The following TUSC3 variants were observed in gnomAD, a reference collection of about 807,000 sequenced individuals.
TUSC3 encodes dolichyl-diphosphooligosaccharide--protein glycosyltransferase subunit TUSC3.
TUSC3 carries 45 observed loss-of-function variants against 44.8 expected under a neutral mutation model. The observed-to-expected ratio is 1.00, with a 90% CI of 0.79 to 1.29. The LOEUF (loss-of-function observed/expected upper bound fraction) is 1.29. Among genes scored for constraint, TUSC3 ranks in the 50% most tolerant of loss-of-function variants. The pLI, the probability that TUSC3 is intolerant of heterozygous loss-of-function variation, is 0.00. For synonymous variants in TUSC3, 212 were observed against 152.9 expected (o/e 1.39, Z -2.85); for missense variants, 519 against 437.9 (o/e 1.19, Z -1.65).
chr8:15,836,195 G>C, the TUSC3 span, among the ~76,000 whole-genome samples: 19 of 151,802 alleles, frequency 1.3e-4, 1 homozygote, highest in Admixed American at 7.9e-4. Context: ...AAGTAACACA[G>C]CTGGGCATGG....
At chr8:15,656,647 A>C (rs566141519) in intron 3 of TUSC3, among the ~76,000 whole-genome samples, 12 of 147,606 alleles carry the variant, frequency 8.1e-5, no homozygotes, top group Admixed American at 8.1e-4. Context: ...TCCCAGGCCC[A>C]AGCCCACGCA....
At chr8:15,435,922 CT>C (rs897622176) in intron 1 of TUSC3, among the ~76,000 whole-genome samples, 8 of 152,116 alleles carry the variant, frequency 5.3e-5, no homozygotes, top group Non-Finnish European at 2.9e-5. Context: ...CACATTGCTT[CT>C]GTTGGTTAGG....
At chr8:15,427,775 T>C (rs559254779) in intron 1 of TUSC3, among the ~76,000 whole-genome samples, 1 of 152,236 alleles carries the variant, frequency 6.6e-6, no homozygotes, top group South Asian at 2.1e-4. Context: ...CACTTGTGTA[T>C]TGTTACTTTT....
At position 15,574,551 on chromosome 8, in the gene TUSC3, A is replaced by G. The variant is rs137923216; in HGVS notation, c.138+33983A>G. Among the ~76,000 whole-genome samples, 81 of 152,144 alleles carry G rather than the reference A, an allele frequency of 5.3e-4. 1 individual carries two copies. In the East Asian group the frequency reaches 0.015, roughly 28 times the overall value. On this transcript the variant is annotated intron_variant, in intron 1 of 10. Transcript: ENST00000503731. ...AGGTTAGGGTGGGTCTGGACAATAG[A>G]TATTATTTAGTAAAGCATTCAGCTG...
chr8:15,806,877 TG>T, the TUSC3 span: 4 of 1,165,530 alleles, frequency 3.4e-6, no homozygotes, highest in Non-Finnish European at 2.6e-6. Context: ...ATAATTATGT[TG>T]GGGAGAAAGT....
chr8:15,729,205 C>T (rs1055548018), intron 6 of TUSC3, among the ~76,000 whole-genome samples: 1 of 152,088 alleles, frequency 6.6e-6, no homozygotes, highest in Non-Finnish European at 1.5e-5. Context: ...ATATGTTAGT[C>T]AGTGATGTAA....
the TUSC3 span, among the ~76,000 whole-genome samples, chr8:15,795,854 C>A: frequency 6.6e-6 from 1 of 152,180 alleles, no homozygotes; most frequent in Non-Finnish European, 1.5e-5. Flanking sequence ...GTCAGCCAGT[C>A]CAATCTGTCC....
intron 1 of TUSC3, among the ~76,000 whole-genome samples, chr8:15,602,453 C>T (rs1467550267): frequency 6.6e-6 from 1 of 151,468 alleles, no homozygotes; most frequent in Non-Finnish European, 1.5e-5. Flanking sequence ...TTACATTTTA[C>T]ATCAACTTGT....
chr8:15,818,088 C>G, the TUSC3 span, among the ~76,000 whole-genome samples: 1 of 152,066 alleles, frequency 6.6e-6, no homozygotes, highest in Non-Finnish European at 1.5e-5. Context: ...TGGAGAAGAG[C>G]AGAGATAAGA....
chr8:15,597,914 A>G (rs1267823706), intron 1 of TUSC3, among the ~76,000 whole-genome samples: 1 of 152,100 alleles, frequency 6.6e-6, no homozygotes, highest in East Asian at 1.9e-4. Flanking sequence ...AGATAATAGT[A>G]TATAGTAAAT....
At chr8:15,822,590 G>T in the TUSC3 span, among the ~76,000 whole-genome samples, 5 of 152,096 alleles carry the variant, frequency 3.3e-5, no homozygotes, top group Non-Finnish European at 7.4e-5. Flanking sequence ...GCCCTAAGGT[G>T]TGAATGAAGA....
chr8:15,809,224 TG>T, the TUSC3 span, among the ~76,000 whole-genome samples: 92 of 152,222 alleles, frequency 6.0e-4, no homozygotes, highest in East Asian at 0.012. Flanking sequence ...CCAGTGAGGG[TG>T]TGAGGATGTT....
chr8:15,598,612 C>G (rs1251196857), intron 1 of TUSC3, among the ~76,000 whole-genome samples: 1 of 151,844 alleles, frequency 6.6e-6, no homozygotes, highest in Non-Finnish European at 1.5e-5. Flanking sequence ...TCTCCAGTCT[C>G]CACCCTCTGG....
At position 15,565,529 on chromosome 8, in the gene TUSC3, A is replaced by G. The variant is rs191250450; in HGVS notation, c.138+24961A>G. On this transcript the variant is annotated intron_variant, in intron 1 of 10. Coordinates refer to ENST00000503731, the MANE Select transcript of TUSC3 (RefSeq NM_006765.4). Reference sequence around the variant, plus strand: ...AAGATAGTTGGTGGAAGCTTTCAAGACATTCATACACTCCAGGTGTAGAAA... The same window carrying G: ...AAGATAGTTGGTGGAAGCTTTCAAGGCATTCATACACTCCAGGTGTAGAAA... Among the ~76,000 whole-genome samples, 613 of 152,300 alleles carry G rather than the reference A, an allele frequency of 4.0e-3. 3 individuals are homozygous for G. Among genetic ancestry groups the G allele is most frequent in the Admixed American group, 7.0e-3 (107 of 15,304 alleles).
chr8:15,644,338 A>T (rs1267981987), intron 2 of TUSC3, among the ~76,000 whole-genome samples: 1 of 152,176 alleles, frequency 6.6e-6, no homozygotes, highest in Non-Finnish European at 1.5e-5. Context: ...CGTTCACTAC[A>T]TTCATGAAGT....
chr8:15,506,322 A>C (rs1279213490), intron 2 of TUSC3, among the ~76,000 whole-genome samples: 1 of 152,172 alleles, frequency 6.6e-6, no homozygotes, highest in Non-Finnish European at 1.5e-5. Context: ...GATCATAGAA[A>C]CCAGAATCCC....
the TUSC3 span, among the ~76,000 whole-genome samples, chr8:15,796,863 C>T: frequency 4.6e-5 from 7 of 152,162 alleles, no homozygotes; most frequent in South Asian, 2.1e-4. Flanking sequence ...CAAACAGACC[C>T]GCCCGCTGCC....
In TUSC3 at chr8:15,512,949, T is replaced by C. The variant is rs1029048359; in HGVS notation, n.189+29466T>C. ...ATATAATCATATATATATATATATA[T>C]ATATATATATGATTCTTTTTCTCTG... On this transcript the variant is annotated intron_variant and non_coding_transcript_variant, in intron 2 of 5. Coordinates refer to the TUSC3 transcript ENST00000503191. 4.6e-4 allele frequency among the ~76,000 whole-genome samples: 65 copies of C among 141,062 alleles called. 1 individual carries two copies. In the South Asian group the frequency reaches 0.014, roughly 31 times the overall value. The allele number at this position is 141,062 out of a possible 152,430, so 92.5% of individuals were successfully genotyped here.
At chr8:15,767,690 A>G (rs1812368092), downstream of TUSC3, among the ~76,000 whole-genome samples, 1 of 152,068 alleles carries the variant, frequency 6.6e-6, no homozygotes, top group Non-Finnish European at 1.5e-5. Flanking sequence ...ATTCTTAAGA[A>G]ATGGTGTTTG....
Sources: gnomAD v4.1 joint callset for allele counts (sites outside exome capture counted in the v4.1 genomes callset) on GRCh38, gnomAD v4.1.1 for gene constraint, MANE v1.5 for transcripts, NCBI Gene and HGNC (gene_info 2026-07-23, HGNC 2026-07-21) for gene names.